Variants in KIAA1958 observed in about 807,000 individuals in gnomAD.
The protein encoded by KIAA1958 is KIAA1958.
A neutral mutation model predicts 47.2 loss-of-function variants in KIAA1958; 14 were observed. The observed-to-expected ratio is 0.30, with a 90% confidence interval of 0.20 to 0.46. KIAA1958 has a LOEUF of 0.46. KIAA1958 is among the 20% of genes least tolerant of loss of function. The pLI, the probability that KIAA1958 is intolerant of heterozygous loss-of-function variation, is 1.00. For missense variants in KIAA1958, 803 were observed against 909.2 expected, an observed-to-expected ratio of 0.88 and a Z score of 1.50; for synonymous variants, 354 against 353.3, an observed-to-expected ratio of 1.00 and a Z score of -0.02.
At chr9:112,641,396 C>T (rs1836887944) in intron 2 of KIAA1958, among the ~76,000 whole-genome samples, 1 of 134,686 alleles carries the variant, frequency 7.4e-6, no homozygotes, top group Non-Finnish European at 1.6e-5. Flanking sequence ...GCTATGTTGA[C>T]AGCTCTAGTG....
Position 112,668,708 on chromosome 9 carries a change from A to G in KIAA1958, c.*8639A>G, listed in dbSNP as rs1479945027. 2 of 152,210 alleles carry G rather than the reference A, an allele frequency of 1.3e-5. No homozygotes were observed. The highest frequency in any genetic ancestry group is 6.5e-5 in the Admixed American group (1 of 15,274). 9.4% of individuals were successfully genotyped at this position (152,210 alleles called of 1,614,324 possible). ...CCAGCATGTTTGCTTTAAATTTAGC[A>G]ATAGAATAGGCAATGGACTGCTTTG... On this transcript the variant is annotated 3_prime_UTR_variant, in exon 4 of 4. Transcript: ENST00000337530.
intron 1 of KIAA1958, among the ~76,000 whole-genome samples, chr9:112,549,957 G>A (rs1363238170): frequency 7.2e-5 from 11 of 152,218 alleles, no homozygotes; most frequent in African/African-American, 2.7e-4. Context: ...TAAAATTTGA[G>A]TAGGAAGGTG....
rs1381761545 is a variant in KIAA1958 at position 112,666,908 on chromosome 9, A to G, written c.*6839A>G. 1 of 152,210 alleles carries G rather than the reference A, an allele frequency of 6.6e-6. No individual in the cohort carries two copies. Among genetic ancestry groups the G allele is most frequent in the Non-Finnish European group, 1.5e-5 (1 of 68,046 alleles). 9.4% of individuals were successfully genotyped at this position (152,210 alleles called of 1,614,324 possible). A position where few individuals can be genotyped will look rare whatever the true frequency, so the allele number is the denominator to read the frequency against. On this transcript the variant is annotated 3_prime_UTR_variant, in exon 4 of 4. Coordinates refer to ENST00000337530, the MANE Select transcript of KIAA1958 (RefSeq NM_133465.4). The stretch of plus-strand genomic sequence containing the variant: ...CCACTTCCTCTTCATTCAATCCCAC[A>G]TAAATCTTAGAGCTAAAACAGGAGC...
chr9:112,633,166 A>G (rs539615083), intron 2 of KIAA1958, among the ~76,000 whole-genome samples: 1 of 151,174 alleles, frequency 6.6e-6, no homozygotes, highest in South Asian at 2.1e-4. Context: ...TAACTTACAA[A>G]TAGTAATTTA....
chr9:112,630,425 G>A (rs574261475), intron 2 of KIAA1958, among the ~76,000 whole-genome samples: 8 of 152,226 alleles, frequency 5.3e-5, no homozygotes, highest in Non-Finnish European at 1.0e-4. Flanking sequence ...CAGGAGGATC[G>A]CTTGAAGCTG....
intron 1 of KIAA1958, among the ~76,000 whole-genome samples, chr9:112,545,984 A>G (rs1479109616): frequency 2.0e-5 from 3 of 152,018 alleles, no homozygotes; most frequent in Admixed American, 2.0e-4. Flanking sequence ...TAGAGCATCT[A>G]GTAGTAGAGT....
intron 2 of KIAA1958, among the ~76,000 whole-genome samples, chr9:112,597,098 C>G (rs147932725): frequency 6.6e-6 from 1 of 152,222 alleles, no homozygotes; most frequent in Non-Finnish European, 1.5e-5. Context: ...TTTCAGCAAA[C>G]TTGTGAAAAA....
chr9:112,633,033 G>T (rs915482999), intron 2 of KIAA1958, among the ~76,000 whole-genome samples: 5 of 151,478 alleles, frequency 3.3e-5, no homozygotes, highest in Non-Finnish European at 5.9e-5. Flanking sequence ...ATTTATTGAA[G>T]AATCCATCTT....
Position 112,665,621 on chromosome 9 carries a change from G to A in KIAA1958, c.*5552G>A, listed in dbSNP as rs1588059984. ...GTTTGGCAAATATTTCATCTCTCAA[G>A]CCATACTGTGTCACCCCTCCATGTA... On this transcript the variant is annotated 3_prime_UTR_variant, in exon 4 of 4. Coordinates refer to ENST00000337530, the MANE Select transcript of KIAA1958 (RefSeq NM_133465.4). 1 of 152,144 alleles carries A rather than the reference G, an allele frequency of 6.6e-6. No homozygotes were observed. Among genetic ancestry groups the A allele is most frequent in the Non-Finnish European group, 1.5e-5 (1 of 68,028 alleles). The allele number at this position is 152,144 out of a possible 1,614,324, so 9.4% of individuals were successfully genotyped here.
intron 3 of KIAA1958, among the ~76,000 whole-genome samples, chr9:112,656,892 C>A (rs984287192): frequency 1.3e-5 from 2 of 151,760 alleles, no homozygotes; most frequent in Admixed American, 1.3e-4. Flanking sequence ...ATATTCTTTA[C>A]TCTCTTCATT....
chr9:112,655,068 T>C (rs1353895274), intron 3 of KIAA1958, among the ~76,000 whole-genome samples: 6 of 152,212 alleles, frequency 3.9e-5, no homozygotes, highest in Non-Finnish European at 8.8e-5. Context: ...ATATTTTCAT[T>C]TGGGTACAGT....
intron 3 of KIAA1958, among the ~76,000 whole-genome samples, chr9:112,651,783 A>G (rs1490558705): frequency 6.6e-6 from 1 of 152,202 alleles, no homozygotes; most frequent in Non-Finnish European, 1.5e-5. Context: ...CAAAGGACCA[A>G]GAAGAAATCA....
At position 112,504,591 on chromosome 9, in the gene KIAA1958, C is replaced by T. The variant is rs923021758; in HGVS notation, c.-25+17473C>T. ...TTCCTTTCATTGTATGTTTCATCCCCATTTAATCTGAGGTTATCCAGCACT... is the reference window on the plus strand; with the variant it reads ...TTCCTTTCATTGTATGTTTCATCCCTATTTAATCTGAGGTTATCCAGCACT... On this transcript the variant is annotated intron_variant, in intron 1 of 3. Coordinates refer to ENST00000337530, the MANE Select transcript of KIAA1958 (RefSeq NM_133465.4). Among the ~76,000 whole-genome samples, 11 of 152,228 alleles carry T rather than the reference C, an allele frequency of 7.2e-5. No homozygotes were observed. The East Asian group carries it at 1.7e-3, about 24-fold the overall frequency.
At chr9:112,610,952 T>C (rs952648613) in intron 2 of KIAA1958, among the ~76,000 whole-genome samples, 1 of 152,204 alleles carries the variant, frequency 6.6e-6, no homozygotes, top group African/African-American at 2.4e-5. Context: ...GGAAATCTTT[T>C]AATAGAGCAA....
rs546130511 is a variant in KIAA1958 at position 112,519,563 on chromosome 9, G to T, written c.-25+32445G>T. The stretch of plus-strand genomic sequence containing the variant: ...TTTGAATTATCCTTGTGTCTCTTCT[G>T]AACATTAATTTACCTAGGTTTGCCT... On this transcript the variant is annotated intron_variant, in intron 1 of 3. Coordinates refer to ENST00000337530, the MANE Select transcript of KIAA1958 (RefSeq NM_133465.4). Among the ~76,000 whole-genome samples the T allele has an allele frequency of 1.1e-4, 16 of 152,246 alleles. No individual in the cohort carries two copies. In the South Asian group the frequency reaches 2.9e-3, roughly 28 times the overall value.
chr9:112,646,682 T>C (rs1046223822), intron 3 of KIAA1958, among the ~76,000 whole-genome samples: 4 of 152,132 alleles, frequency 2.6e-5, no homozygotes, highest in African/African-American at 4.8e-5. Context: ...GGCTACAGTG[T>C]GCTACAGCCA....
rs1250741282 is a variant in KIAA1958, at chr9:112,664,981, T to A, written c.*4912T>A. On this transcript the variant is annotated 3_prime_UTR_variant, in exon 4 of 4. Coordinates refer to ENST00000337530, the MANE Select transcript of KIAA1958 (RefSeq NM_133465.4). ...TTACAGTCCAGAAAATCTGCAGAAG[T>A]TCTCCATGTTCAGTGGTTGACCAGA... 1 of 152,218 alleles carries A rather than the reference T, an allele frequency of 6.6e-6. No homozygotes were observed. The highest frequency in any genetic ancestry group is 6.5e-5 in the Admixed American group (1 of 15,284). The allele number at this position is 152,218 out of a possible 1,614,324, so 9.4% of individuals were successfully genotyped here.
intron 2 of KIAA1958, among the ~76,000 whole-genome samples, chr9:112,633,784 A>G (rs778136068): frequency 6.6e-6 from 1 of 152,132 alleles, no homozygotes; most frequent in Non-Finnish European, 1.5e-5. Flanking sequence ...GCTTTTGTAT[A>G]CAGTTCACTC....
intron 1 of KIAA1958, among the ~76,000 whole-genome samples, chr9:112,557,511 C>G (rs1835263322): frequency 6.6e-6 from 1 of 152,204 alleles, no homozygotes; most frequent in Non-Finnish European, 1.5e-5. Context: ...AGGAAGATGT[C>G]TCTGCCAGCT....
Sources: gnomAD v4.1 joint callset for allele counts (sites outside exome capture counted in the v4.1 genomes callset) on GRCh38, gnomAD v4.1.1 for gene constraint, MANE v1.5 for transcripts, NCBI Gene and HGNC (gene_info 2026-07-23, HGNC 2026-07-21) for gene names.